Variants in ELN observed in about 807,000 individuals in gnomAD.
ELN encodes the protein elastin, also known as tropoelastin.
In ELN, 65 loss-of-function variants were observed where a neutral mutation model predicts 105.8. That is an observed-to-expected ratio of 0.61 (90% confidence interval 0.50 to 0.75). The LOEUF (loss-of-function observed/expected upper bound fraction) is 0.75. Among genes scored for constraint, ELN ranks in the 30% least tolerant of loss-of-function variants. The pLI, the probability that ELN is intolerant of heterozygous loss-of-function variation, is 0.00. For missense variants in ELN, 882 were observed against 969.4 expected (o/e 0.91, Z 1.20); for synonymous variants, 368 against 389.2 (o/e 0.95, Z 0.64).
At chr7:74,059,440 G>T (rs1377050418) in intron 22 of ELN, 1 of 257,358 alleles carries the variant, frequency 3.9e-6, no homozygotes, top group Non-Finnish European at 7.6e-6. Flanking sequence ...CCAGAACTTT[G>T]GGAGGCCAAG....
At chr7:74,041,091 C>T in intron 4 of ELN, 125 bp from the exon 5 acceptor site, 2 of 1,233,058 alleles carry the variant, frequency 1.6e-6, no homozygotes, top group East Asian at 2.3e-5. Context: ...CTGAGCATCA[C>T]AGGCTTAGGG....
At chr7:74,059,798 C>A in intron 22 of ELN, 88 bp from the exon 23 acceptor site, 1 of 808,100 alleles carries the variant, frequency 1.2e-6, no homozygotes. Flanking sequence ...AAATCTATGC[C>A]AGGGCCGAGG....
rs1381827132 is a variant in ELN at position 74,028,235 on chromosome 7, C to G, written c.48C>G (p.Leu16=). ...AAAPRPGVLL[L]LLSILHPSRP... Reference sequence around the variant, plus strand: ...CCCCGCGGCCCGGAGTCCTCCTGCTCCTGCTGTCCATCCTCCACCCCTCTC... The same window carrying G: ...CCCCGCGGCCCGGAGTCCTCCTGCTGCTGCTGTCCATCCTCCACCCCTCTC... Residue 16 remains leucine, a synonymous_variant, in exon 1 of 33, where the codon CTC becomes CTG. Transcript: ENST00000252034. 2.5e-6 allele frequency: 4 copies of G among 1,610,792 alleles called. No individual in the cohort carries two copies. The Admixed American group carries it at 6.7e-5, about 27-fold the overall frequency.
In ELN at chr7:74,060,266, G is replaced by C. The variant is rs1327292314; in HGVS notation, c.1621+82G>C. The C allele has an allele frequency of 2.5e-6, 4 of 1,613,640 alleles. No homozygotes were observed. The Admixed American group carries it at 5.0e-5, about 20-fold the overall frequency. ...GGCAACAGCCAGGGAGGAGGCCGCT[G>C]CTTGGATCTGGGCCCCTTCCTCTGG... On this transcript the variant is annotated intron_variant, in intron 24 of 32. Coordinates refer to ENST00000252034, the MANE Select transcript of ELN (RefSeq NM_000501.4).
At chr7:74,052,664 C>CGGAA (rs782375003) in intron 17 of ELN, 2,461 of 115,796 alleles carry the variant, frequency 0.021, 69 homozygotes, top group African/African-American at 0.07. Context: ...GAAGGAAAGA[C>CGGAA]GGAAGGAAGG....
At chr7:74,051,505 T>C (rs1171360680) in intron 15 of ELN, among the ~76,000 whole-genome samples, 1 of 152,144 alleles carries the variant, frequency 6.6e-6, no homozygotes, top group African/African-American at 2.4e-5. Flanking sequence ...TGGCAGTGAT[T>C]AGAATGGGAT....
In ELN at chr7:74,046,714, G is replaced by A. The variant is rs782698807; in HGVS notation, c.590G>A (p.Gly197Glu). The A allele has an allele frequency of 2.5e-6, 4 of 1,614,192 alleles. No homozygotes were observed. The highest frequency in any genetic ancestry group is 1.7e-6 in the Non-Finnish European group (2 of 1,180,020). ...CCCACAGGAGTTGGACCCTTTGGGG[G>A]ACCGCAACCTGGAGTCCCACTGGGG... ...AGIPGVGPFG[G>E]PQPGVPLGYP... Residue 197 changes from glycine to glutamate, a missense_variant, in exon 12 of 33, where the codon GGA (glycine) becomes GAA (glutamate). Physicochemically the swap from Gly to Glu is moderately conservative, Grantham distance 98. Coordinates refer to ENST00000252034, the MANE Select transcript of ELN (RefSeq NM_000501.4).
intron 15 of ELN, among the ~76,000 whole-genome samples, chr7:74,049,597 C>A (rs1425488483): frequency 6.6e-6 from 1 of 151,288 alleles, no homozygotes; most frequent in African/African-American, 2.4e-5. Flanking sequence ...ATGCATGCAT[C>A]CATCCTTCCA....
intron 22 of ELN, chr7:74,059,430 C>A: frequency 3.9e-6 from 1 of 253,614 alleles, no homozygotes; most frequent in Non-Finnish European, 7.7e-6. Context: ...AACTATAATC[C>A]CAGAACTTTG....
chr7:74,049,672 T>C (rs1793456850), intron 15 of ELN, among the ~76,000 whole-genome samples: 3 of 141,842 alleles, frequency 2.1e-5, no homozygotes, highest in Non-Finnish European at 3.1e-5. Flanking sequence ...ATCCATCCAT[T>C]CCTCCATGCA....
chr7:74,050,426 C>T (rs1452616176), intron 15 of ELN, among the ~76,000 whole-genome samples: 17 of 151,750 alleles, frequency 1.1e-4, no homozygotes, highest in African/African-American at 3.6e-4. Flanking sequence ...TCCATCAATC[C>T]ATCTATCCAT....
At chr7:74,035,471 A>G in intron 2 of ELN, 57 bp downstream of exon 2, 1 of 1,594,518 alleles carries the variant, frequency 6.3e-7, no homozygotes, top group Non-Finnish European at 8.6e-7. Context: ...TGATGTCCAT[A>G]ATAGATGCAC....
chr7:74,063,129 T>A lies in ELN; in HGVS notation c.1787-24T>A. 6.3e-7 allele frequency: 1 copy of A among 1,591,724 alleles called. No individual in the cohort carries two copies. The highest frequency in any genetic ancestry group is 1.3e-5 in the African/African-American group (1 of 74,616). On this transcript the variant is annotated intron_variant, in intron 26 of 32. Coordinates refer to ENST00000252034, the MANE Select transcript of ELN (RefSeq NM_000501.4). The surrounding 1 kb of genome is among the most constrained non-coding windows in gnomAD (Gnocchi z 4.1). ...GACCCATCGTTCAGAAATGGAACACTCATTTTCCCTCCTCTCCCCGCAGGA... is the reference window on the plus strand; with the variant it reads ...GACCCATCGTTCAGAAATGGAACACACATTTTCCCTCCTCTCCCCGCAGGA...
In ELN at chr7:74,069,125, C is replaced by T. The variant is rs1798588580; in HGVS notation, c.*425C>T. On this transcript the variant is annotated 3_prime_UTR_variant, in exon 33 of 33. Coordinates refer to ENST00000252034, the MANE Select transcript of ELN (RefSeq NM_000501.4). ...CACTTCCTGGGCAGTCCCAGCTCCC[C>T]CTGCCCACCAGGACCCACCGTTGGC... The T allele has an allele frequency of 3.1e-6, 1 of 323,774 alleles. No individual in the cohort carries two copies. The allele number at this position is 323,774 out of a possible 1,614,324, so 20.1% of individuals were successfully genotyped here.
intron 2 of ELN, among the ~76,000 whole-genome samples, chr7:74,035,879 C>T (rs1554665299): frequency 6.6e-6 from 1 of 151,844 alleles, no homozygotes; most frequent in Non-Finnish European, 1.5e-5. Flanking sequence ...TTCAAGGCTG[C>T]AGTGAGCTAT....
intron 1 of ELN, among the ~76,000 whole-genome samples, chr7:74,029,089 A>G (rs1788082550): frequency 6.6e-6 from 1 of 152,104 alleles, no homozygotes; most frequent in Admixed American, 6.5e-5. Context: ...TGTGTGCAAA[A>G]GTCTGCCACC....
intron 29 of ELN, 83 bp from the exon 30 acceptor site, chr7:74,065,611 C>G: frequency 6.8e-7 from 1 of 1,473,282 alleles, no homozygotes. Context: ...GAGACTCTGC[C>G]TCAAGAAAAA....
chr7:74,056,797 G>T, intron 21 of ELN, 84 bp downstream of exon 21: 1 of 1,591,646 alleles, frequency 6.3e-7, no homozygotes. Context: ...TGGCTCCCAG[G>T]CCTCCAGGAC....
chr7:74,033,079 G>A (rs1789058749), intron 1 of ELN, among the ~76,000 whole-genome samples: 1 of 152,336 alleles, frequency 6.6e-6, no homozygotes, highest in Middle Eastern at 3.4e-3. Flanking sequence ...CAACCTTGCA[G>A]CAACCTTGCA....
Sources: allele counts gnomAD v4.1 joint callset (sites outside exome capture counted in the v4.1 genomes callset), GRCh38; gene constraint gnomAD v4.1.1; non-coding constraint Gnocchi (gnomAD v3.1); transcripts MANE v1.5; gene names NCBI Gene and HGNC (gene_info 2026-07-23, HGNC 2026-07-21).